FOXJ3: variants seen among roughly 807,000 people sequenced by gnomAD.
FOXJ3 encodes forkhead box J3.
FOXJ3 carries 22 observed loss-of-function variants against 76.1 expected under a neutral mutation model. The ratio of observed to expected loss-of-function variants is 0.29; its 90% CI spans 0.21 to 0.41. The LOEUF is 0.41. FOXJ3 is among the 10% of genes least tolerant of loss of function. FOXJ3 has a pLI of 1.00. For synonymous variants in FOXJ3, 269 were observed against 261.2 expected (o/e 1.03, Z -0.29); for missense variants, 613 against 762.1 (o/e 0.80, Z 2.30).
chr1:42,231,346 C>CA (rs1209307817), intron 4 of FOXJ3, among the ~76,000 whole-genome samples: 2 of 151,178 alleles, frequency 1.3e-5, no homozygotes, highest in Admixed American at 1.3e-4. Context: ...ACCAAACAAA[C>CA]AAAAAAAACG....
chr1:42,299,411 G>T (rs138775893), intron 2 of FOXJ3, among the ~76,000 whole-genome samples: 1 of 150,230 alleles, frequency 6.7e-6, no homozygotes, highest in African/African-American at 2.4e-5. Flanking sequence ...TATCTGATAC[G>T]AGAATGGATA....
At chr1:42,242,046 G>C (rs1444260246) in intron 4 of FOXJ3, among the ~76,000 whole-genome samples, 3 of 152,112 alleles carry the variant, frequency 2.0e-5, no homozygotes, top group African/African-American at 7.2e-5. Context: ...AGACTACACT[G>C]CTACATACAC....
At chr1:42,292,645 G>C (rs1472196106) in intron 2 of FOXJ3, among the ~76,000 whole-genome samples, 1 of 152,144 alleles carries the variant, frequency 6.6e-6, no homozygotes, top group Non-Finnish European at 1.5e-5. Context: ...GCAGACAGAG[G>C]GACAGCAAGG....
chr1:42,299,540 C>CTT (rs762864718), intron 2 of FOXJ3, among the ~76,000 whole-genome samples: 2 of 119,438 alleles, frequency 1.7e-5, no homozygotes, highest in Admixed American at 8.3e-5. Flanking sequence ...ATGGTTGGGT[C>CTT]TTTTTTTTTT....
intron 1 of FOXJ3, among the ~76,000 whole-genome samples, chr1:42,332,666 A>G (rs1478087889): frequency 6.6e-6 from 1 of 152,070 alleles, no homozygotes; most frequent in Non-Finnish European, 1.5e-5. Context: ...TAAACCCTCT[A>G]TCCTTGAAAG....
intron 12 of FOXJ3, among the ~76,000 whole-genome samples, chr1:42,181,623 T>G (rs762917785): frequency 2.6e-5 from 4 of 152,362 alleles, no homozygotes; most frequent in Middle Eastern, 3.4e-3. Context: ...AACTGATGCT[T>G]GAATCCCTTT....
chr1:42,245,837 C>T (rs1462164962), intron 4 of FOXJ3, among the ~76,000 whole-genome samples: 2 of 152,060 alleles, frequency 1.3e-5, no homozygotes, highest in Non-Finnish European at 2.9e-5. Flanking sequence ...GAAAAGGAAA[C>T]AAAAGGCATC....
chr1:42,199,844 T>C (rs981071950), intron 6 of FOXJ3, among the ~76,000 whole-genome samples: 1 of 151,684 alleles, frequency 6.6e-6, no homozygotes, highest in African/African-American at 2.4e-5. Flanking sequence ...TACATTTGTG[T>C]ATATTTTTAC....
rs111545668 is a variant in FOXJ3, at chr1:42,257,447, G to A, written c.444+7668C>T. 7.9e-5 allele frequency among the ~76,000 whole-genome samples: 12 copies of A among 152,222 alleles called. 1 individual carries two copies. Among genetic ancestry groups the A allele is most frequent in the African/African-American group, 2.9e-4 (12 of 41,524 alleles). On this transcript the variant is annotated intron_variant, in intron 4 of 12. Coordinates refer to ENST00000361346, the MANE Select transcript of FOXJ3 (RefSeq NM_014947.5). The stretch of plus-strand genomic sequence containing the variant: ...TCCATCAGAAATGGCTGTGCACAGC[G>A]GCTCACACCTGTAATCTCAGCACTT...
chr1:42,235,674 T>C (rs1648563937), intron 4 of FOXJ3, among the ~76,000 whole-genome samples: 1 of 151,960 alleles, frequency 6.6e-6, no homozygotes, highest in Non-Finnish European at 1.5e-5. Flanking sequence ...GCAAGTCTCC[T>C]GCCTTAGCCT....
At chr1:42,311,650 A>AAGTAGTAGTGGTAGTAGT (rs1553169319) in intron 1 of FOXJ3, among the ~76,000 whole-genome samples, 1 of 149,414 alleles carries the variant, frequency 6.7e-6, no homozygotes, top group African/African-American at 2.5e-5. Flanking sequence ...TTTAAAAAAA[A>AAGTAGTAGTGGTAGTAGT]AGTAGTAGTA....
chr1:42,208,391 A>G (rs1646900461), intron 5 of FOXJ3, among the ~76,000 whole-genome samples: 1 of 152,242 alleles, frequency 6.6e-6, no homozygotes, highest in African/African-American at 2.4e-5. Context: ...ATATACATGC[A>G]TTAATAAATG....
intron 4 of FOXJ3, among the ~76,000 whole-genome samples, chr1:42,229,765 T>C (rs1264960398): frequency 6.6e-6 from 1 of 152,168 alleles, no homozygotes; most frequent in Non-Finnish European, 1.5e-5. Flanking sequence ...GGCTAGCAAG[T>C]TTCAGAATAA....
chr1:42,188,523 T>C (rs550300588), intron 11 of FOXJ3, among the ~76,000 whole-genome samples: 15 of 152,324 alleles, frequency 9.8e-5, no homozygotes, highest in African/African-American at 3.4e-4. Context: ...AAAGCAATCA[T>C]ATAAATCACA....
At chr1:42,264,052 G>A (rs1241974804) in intron 4 of FOXJ3, among the ~76,000 whole-genome samples, 3 of 148,506 alleles carry the variant, frequency 2.0e-5, no homozygotes, top group Admixed American at 6.9e-5. Flanking sequence ...CAATGATGAC[G>A]GTCGCTACAA....
intron 3 of FOXJ3, 143 bp from the exon 4 acceptor site, chr1:42,265,332 T>A (rs931457763): frequency 3.9e-6 from 2 of 519,366 alleles, no homozygotes; most frequent in African/African-American, 4.0e-5. Flanking sequence ...AGCTTAAAAT[T>A]TAAATCTTTC....
At chr1:42,320,735 T>C (rs1024737685) in intron 1 of FOXJ3, among the ~76,000 whole-genome samples, 3 of 152,192 alleles carry the variant, frequency 2.0e-5, no homozygotes, top group African/African-American at 7.2e-5. Flanking sequence ...CAAAAGCTAA[T>C]CTACTGCAAA....
intron 2 of FOXJ3, among the ~76,000 whole-genome samples, chr1:42,303,013 T>C (rs935144683): frequency 1.3e-5 from 2 of 152,054 alleles, no homozygotes; most frequent in East Asian, 3.8e-4. Flanking sequence ...GCTGGTTTTC[T>C]ATTACCTTTT....
chr1:42,309,980 T>G (rs1175921629), intron 2 of FOXJ3, among the ~76,000 whole-genome samples: 1 of 152,220 alleles, frequency 6.6e-6, no homozygotes, highest in East Asian at 1.9e-4. Flanking sequence ...CAGTTCCTAC[T>G]TTTTACATTT....
Sources: gnomAD v4.1 joint callset for allele counts (sites outside exome capture counted in the v4.1 genomes callset) on GRCh38, gnomAD v4.1.1 for gene constraint, MANE v1.5 for transcripts, NCBI Gene and HGNC (gene_info 2026-07-23, HGNC 2026-07-21) for gene names.